Variants in TPM1 observed in about 807,000 individuals in gnomAD.
TPM1 encodes the protein tropomyosin 1.
In TPM1, 24 loss-of-function variants were observed where a neutral mutation model predicts 42.9. That is an observed-to-expected ratio of 0.56 (90% CI 0.41 to 0.79). The LOEUF is 0.79. Among genes scored for constraint, TPM1 ranks in the 30% least tolerant of loss-of-function variants. The pLI is 0.00. For synonymous variants in TPM1, 136 were observed against 130.1 expected (o/e 1.05, Z -0.31); for missense variants, 158 against 351.8 (o/e 0.45, Z 4.41).
chr15:63,064,764 G>A, intron 9 of TPM1: 1 of 724,346 alleles, frequency 1.4e-6, no homozygotes, highest in Non-Finnish European at 1.7e-6. Context: ...AGGAGATTGA[G>A]ACCATCCTGG....
At chr15:63,071,339 CA>C in exon 9 of TPM1, 1 of 687,008 alleles carries the variant, frequency 1.5e-6, no homozygotes, top group East Asian at 3.0e-5. Context: ...AAGGCAAGCC[CA>C]TGTCAGGGCG....
chr15:63,051,219 C>T (rs1170801742), intron 2 of TPM1, among the ~76,000 whole-genome samples: 1 of 152,150 alleles, frequency 6.6e-6, no homozygotes, highest in Non-Finnish European at 1.5e-5. Context: ...TAATTAGTAA[C>T]ATGATTAAAT....
intron 5 of TPM1, 128 bp downstream of exon 5, chr15:63,061,067 G>A (rs2035551174): frequency 2.1e-6 from 3 of 1,454,036 alleles, no homozygotes; most frequent in Non-Finnish European, 2.9e-6. Context: ...ATTTGATGTG[G>A]ATGAGCCACG....
intron 5 of TPM1, 161 bp downstream of exon 5, chr15:63,061,100 T>G: frequency 6.8e-7 from 1 of 1,462,344 alleles, no homozygotes; most frequent in Non-Finnish European, 9.6e-7. Flanking sequence ...GGAGGACTCG[T>G]GTGGGGTGTC....
intron 1 of TPM1, chr15:63,043,390 A>G: frequency 1.7e-6 from 1 of 594,620 alleles, no homozygotes; most frequent in Admixed American, 2.1e-5. Context: ...GTTGTTACCT[A>G]AGAACAAAGA....
At chr15:63,060,416 C>T (rs575495371) in intron 4 of TPM1, among the ~76,000 whole-genome samples, 16 of 152,192 alleles carry the variant, frequency 1.1e-4, no homozygotes, top group East Asian at 1.9e-4. Context: ...ACTTGTCTCA[C>T]GTTAGTGTCT....
intron 2 of TPM1, chr15:63,044,437 GGT>G: frequency 1.7e-6 from 1 of 599,836 alleles, no homozygotes; most frequent in South Asian, 2.0e-5. Context: ...GGACTCTGGA[GGT>G]GAACTTCACC....
intron 6 of TPM1, 103 bp downstream of exon 6, chr15:63,061,891 C>A: frequency 9.5e-7 from 1 of 1,051,526 alleles, no homozygotes; most frequent in Non-Finnish European, 1.5e-6. Context: ...AGTAAAATGG[C>A]AATATTGTGA....
chr15:63,044,303 C>T (rs2031918864), intron 2 of TPM1, 151 bp downstream of exon 2: 4 of 1,055,922 alleles, frequency 3.8e-6, no homozygotes, highest in Non-Finnish European at 5.7e-6. Flanking sequence ...TGGATGCCGC[C>T]TCTGACTGCT....
chr15:63,067,212 G>A (rs754725977), downstream of TPM1, among the ~76,000 whole-genome samples: 2 of 152,166 alleles, frequency 1.3e-5, no homozygotes, highest in Non-Finnish European at 2.9e-5. Context: ...TCAGAAGATA[G>A]TGTCATTCTC....
chr15:63,068,114 C>T (rs2036386816), downstream of TPM1, among the ~76,000 whole-genome samples: 1 of 152,182 alleles, frequency 6.6e-6, no homozygotes, highest in Admixed American at 6.5e-5. Flanking sequence ...TTCCTATGTC[C>T]ATAGTGTGAA....
Position 63,063,566 on chromosome 15 carries a change from A to C in TPM1, c.773-498A>C, listed in dbSNP as rs930842589. ...AGTGGTCTAGTGTGGTCAGGAAGTCAGTGGTTTGAAGGTGGAACCAGATAA... is the reference window on the plus strand; with the variant it reads ...AGTGGTCTAGTGTGGTCAGGAAGTCCGTGGTTTGAAGGTGGAACCAGATAA... On this transcript the variant is annotated intron_variant, in intron 8 of 9. Coordinates refer to ENST00000403994, the MANE Select transcript of TPM1 (RefSeq NM_001018005.2). Among the ~76,000 whole-genome samples the C allele has an allele frequency of 3.3e-5, 5 of 152,242 alleles. No individual in the cohort carries two copies. In the South Asian group the frequency reaches 1.0e-3, roughly 31 times the overall value.
rs1163608402 is a variant in TPM1, at chr15:63,061,292, G to T, written c.563+353G>T. 7.4e-6 allele frequency: 12 copies of T among 1,613,802 alleles called. No homozygotes were observed. The highest frequency in any genetic ancestry group is 1.0e-5 in the Non-Finnish European group (12 of 1,179,676). On this transcript the variant is annotated intron_variant, in intron 5 of 9. Coordinates refer to ENST00000403994, the MANE Select transcript of TPM1 (RefSeq NM_001018005.2). ...GGATAAGGTACTGATGGCTCGTGTG[G>T]TTTTTAGGTTTAACTGCAACCCAGA...
At position 63,065,716 on chromosome 15, in the gene TPM1, T is replaced by TGACG. The variant is rs938361653; in HGVS notation, c.852-178_852-175dup. 34 of 940,156 alleles carry TGACG rather than the reference T, an allele frequency of 3.6e-5. No homozygotes were observed. In the African/African-American group the frequency reaches 5.9e-4, roughly 16 times the overall value. 58.2% of individuals were successfully genotyped at this position (940,156 alleles called of 1,614,324 possible). On this transcript the variant is annotated intron_variant, in intron 9 of 9. Transcript: ENST00000403994. Reference sequence around the variant, plus strand: ...TGGACCCTTGCCGAAAGGCGGCCTGTGACGGCCTCAGGTGGGAAGATGGAT... The same window carrying TGACG: ...TGGACCCTTGCCGAAAGGCGGCCTGTGACGGACGGCCTCAGGTGGGAAGATGGAT...
intron 2 of TPM1, 181 bp downstream of exon 2, chr15:63,044,333 A>G (rs1242339003): frequency 1.6e-5 from 14 of 859,054 alleles, no homozygotes; most frequent in Non-Finnish European, 2.6e-5. Flanking sequence ...ATTCATTTAT[A>G]TTTCATCCAC....
At chr15:63,048,366 C>A in intron 2 of TPM1, 1 of 1,296,444 alleles carries the variant, frequency 7.7e-7, no homozygotes, top group South Asian at 1.7e-5. Flanking sequence ...CCCTCCCAGC[C>A]GCGCGCGCCC....
Position 63,044,065 on chromosome 15 carries a change from G to A in TPM1, c.153G>A (p.Lys51=), listed in dbSNP as rs1555403378. The change falls in exon 2 of 10, where the codon AAG becomes AAA. Residue 51 remains lysine, a synonymous_variant. Coordinates refer to ENST00000403994, the MANE Select transcript of TPM1 (RefSeq NM_001018005.2). Reference sequence around the variant, plus strand: ...TGGTGTCACTGCAAAAGAAACTCAAGGGCACCGAAGATGAACTGGACAAAT... The same window carrying A: ...TGGTGTCACTGCAAAAGAAACTCAAAGGCACCGAAGATGAACTGGACAAAT... The part of the protein sequence containing the change: ...DELVSLQKKL[K]GTEDELDKYS... The A allele has an allele frequency of 1.9e-6, 3 of 1,614,104 alleles. No individual in the cohort carries two copies. The highest frequency in any genetic ancestry group is 2.2e-5 in the South Asian group (2 of 91,062).
At chr15:63,048,640 A>T in intron 2 of TPM1, 1 of 1,537,026 alleles carries the variant, frequency 6.5e-7, no homozygotes, top group Non-Finnish European at 8.8e-7. Flanking sequence ...GAGCAGGCGG[A>T]CGCCGCTGAG....
intron 2 of TPM1, among the ~76,000 whole-genome samples, chr15:63,051,893 G>T (rs188172222): frequency 5.1e-4 from 49 of 96,920 alleles, no homozygotes; most frequent in Non-Finnish European, 5.4e-4. Flanking sequence ...CATAAAAGTT[G>T]TTTTTTTTTT....
Sources: gnomAD v4.1 joint callset for allele counts (sites outside exome capture counted in the v4.1 genomes callset) on GRCh38, gnomAD v4.1.1 for gene constraint, MANE v1.5 for transcripts, NCBI Gene and HGNC (gene_info 2026-07-23, HGNC 2026-07-21) for gene names.